The following KALRN variants were observed in gnomAD, a reference collection of about 807,000 sequenced individuals.
The protein encoded by KALRN is kalirin.
KALRN carries 70 observed loss-of-function variants against 353.7 expected under a neutral mutation model. That is an observed-to-expected ratio of 0.20 (90% CI 0.16 to 0.24). The LOEUF (loss-of-function observed/expected upper bound fraction) is 0.24. KALRN is among the 10% of genes least tolerant of loss of function. The pLI, the probability that KALRN is intolerant of heterozygous loss-of-function variation, is 1.00. For synonymous variants in KALRN, 1,391 were observed against 1,434.8 expected (o/e 0.97, Z 0.69); for missense variants, 2,791 against 3,756.7 (o/e 0.74, Z 6.72).
intron 33 of KALRN, among the ~76,000 whole-genome samples, chr3:124,518,180 G>C (rs1253128810): frequency 6.6e-6 from 1 of 152,166 alleles, no homozygotes; most frequent in Non-Finnish European, 1.5e-5. Context: ...GGCTTCTTCT[G>C]AACCGTCAGA....
chr3:124,444,489 G>C (rs969966623), intron 19 of KALRN, among the ~76,000 whole-genome samples: 5 of 152,144 alleles, frequency 3.3e-5, no homozygotes, highest in African/African-American at 1.2e-4. Context: ...TAGATACAGG[G>C]AAGGGTGAAT....
At chr3:124,681,777 A>T (rs923076935) in intron 51 of KALRN, among the ~76,000 whole-genome samples, 3 of 151,898 alleles carry the variant, frequency 2.0e-5, no homozygotes, top group Admixed American at 6.6e-5. Context: ...CCACAGGTGC[A>T]CACCACCATG....
intron 12 of KALRN, chr3:124,395,661 A>T (rs2090074454): frequency 6.1e-6 from 2 of 330,480 alleles, no homozygotes; most frequent in South Asian, 7.6e-5. Flanking sequence ...ATTAGGGCAT[A>T]TTTGCTCATG....
At chr3:124,694,984 T>C (rs76720086) in intron 53 of KALRN, among the ~76,000 whole-genome samples, 1 of 152,334 alleles carries the variant, frequency 6.6e-6, no homozygotes, top group East Asian at 1.9e-4. Context: ...GATTTAGACT[T>C]CTGATTTAAG....
Position 124,446,167 on chromosome 3 carries a change from T to A in KALRN, c.3320T>A (p.Leu1107Gln). The change falls in exon 20 of 60, where the codon CTG becomes CAG. Residue 1107 changes from leucine (L) to glutamine (Q), a missense_variant. By Grantham distance (113) the Leu-to-Gln change is moderately radical (BLOSUM62 -2). Coordinates refer to ENST00000682506, the MANE Select transcript of KALRN (RefSeq NM_001388419.1). ...RGPEQQVKAI[L>Q]SELLQRENRV... ...GCATCTCCTCTGCCCACAGCCATCC[T>A]GAGTGAGCTCCTGCAGAGGGAGAAT... The A allele has an allele frequency of 6.2e-7, 1 of 1,613,034 alleles. No individual in the cohort carries two copies. The highest frequency in any genetic ancestry group is 8.5e-7 in the Non-Finnish European group (1 of 1,179,056).
intron 1 of KALRN, among the ~76,000 whole-genome samples, chr3:124,193,058 T>C (rs889096978): frequency 6.6e-6 from 1 of 152,236 alleles, no homozygotes; most frequent in Admixed American, 6.5e-5. Flanking sequence ...CTATCTGATA[T>C]TTGATCTAAT....
At chr3:124,263,300 T>TA (rs1394341209) in intron 3 of KALRN, among the ~76,000 whole-genome samples, 3 of 152,240 alleles carry the variant, frequency 2.0e-5, no homozygotes, top group Non-Finnish European at 4.4e-5. Context: ...CTGTGACTCT[T>TA]ACAATGGAAA....
At chr3:124,443,712 GA>G in intron 19 of KALRN, among the ~76,000 whole-genome samples, 1 of 152,320 alleles carries the variant, frequency 6.6e-6, no homozygotes, top group South Asian at 2.1e-4. Context: ...GAGACAGTGG[GA>G]AATGCCTACA....
At chr3:124,039,540 T>G (rs1319916215) in intron 1 of KALRN, among the ~76,000 whole-genome samples, 1 of 152,236 alleles carries the variant, frequency 6.6e-6, no homozygotes, top group Non-Finnish European at 1.5e-5. Context: ...TTTGTTTATA[T>G]TCACTGTATG....
At chr3:124,683,097 G>A (rs558643471) in intron 51 of KALRN, among the ~76,000 whole-genome samples, 1 of 152,012 alleles carries the variant, frequency 6.6e-6, no homozygotes, top group African/African-American at 2.4e-5. Flanking sequence ...TGAAAGGGGG[G>A]CATCATACAT....
chr3:124,106,390 C>T (rs920551580), intron 1 of KALRN, among the ~76,000 whole-genome samples: 4 of 152,054 alleles, frequency 2.6e-5, no homozygotes, highest in African/African-American at 9.7e-5. Flanking sequence ...CTCCGATGAC[C>T]CTGTGATGTT....
At chr3:124,685,190 T>G (rs533686519) in intron 51 of KALRN, among the ~76,000 whole-genome samples, 1 of 152,296 alleles carries the variant, frequency 6.6e-6, no homozygotes, top group Non-Finnish European at 1.5e-5. Flanking sequence ...GCAAAATATT[T>G]TCTTTGTAAT....
intron 33 of KALRN, among the ~76,000 whole-genome samples, chr3:124,540,403 G>A (rs560143138): frequency 2.0e-5 from 3 of 152,200 alleles, no homozygotes; most frequent in African/African-American, 4.8e-5. Context: ...GAAATCTGTC[G>A]TGTAGCCAGA....
intron 34 of KALRN, among the ~76,000 whole-genome samples, chr3:124,597,111 CTG>C (rs1335669433): frequency 6.6e-6 from 1 of 152,110 alleles, no homozygotes; most frequent in Admixed American, 6.5e-5. Flanking sequence ...ATAGATGTCT[CTG>C]TGGACCTGTG....
chr3:124,434,915 T>C (rs79694011), intron 17 of KALRN, among the ~76,000 whole-genome samples: 1,524 of 152,366 alleles, frequency 0.01, 18 homozygotes, highest in African/African-American at 0.035. Context: ...TTAGGTTCAG[T>C]TGATTTTGGC....
At chr3:124,376,423 A>T (rs142177923) in intron 10 of KALRN, among the ~76,000 whole-genome samples, 1 of 152,334 alleles carries the variant, frequency 6.6e-6, no homozygotes, top group East Asian at 1.9e-4. Context: ...ACTGGTACCC[A>T]GAAGTAATTT....
intron 9 of KALRN, among the ~76,000 whole-genome samples, chr3:124,343,601 T>C (rs577906491): frequency 6.6e-6 from 1 of 152,284 alleles, no homozygotes; most frequent in South Asian, 2.1e-4. Context: ...CTTTTCAGGG[T>C]CCATTTCCTA....
intron 33 of KALRN, among the ~76,000 whole-genome samples, chr3:124,531,622 C>G (rs1223918221): frequency 6.6e-6 from 1 of 152,170 alleles, no homozygotes; most frequent in Non-Finnish European, 1.5e-5. Flanking sequence ...ATGGCAGGAA[C>G]AGGAGCAAGA....
chr3:124,287,155 A>AT, intron 5 of KALRN, among the ~76,000 whole-genome samples: 1 of 152,254 alleles, frequency 6.6e-6, no homozygotes, highest in East Asian at 1.9e-4. Flanking sequence ...CAGAGAGCTC[A>AT]TGAAAGCCTC....
Sources: gnomAD v4.1 joint callset for allele counts (sites outside exome capture counted in the v4.1 genomes callset) on GRCh38, gnomAD v4.1.1 for gene constraint, MANE v1.5 for transcripts, NCBI Gene and HGNC (gene_info 2026-07-23, HGNC 2026-07-21) for gene names.